The following ZFHX3 variants were observed in gnomAD, a reference collection of about 807,000 sequenced individuals.
ZFHX3 encodes the protein zinc finger homeobox 3, also known as zinc finger homeobox protein 3.
Under a neutral mutation model 279.1 loss-of-function variants are expected in ZFHX3, and 42 were observed. The ratio of observed to expected loss-of-function variants is 0.15; its 90% confidence interval spans 0.12 to 0.19. ZFHX3 has a LOEUF of 0.19. Among genes scored for constraint, ZFHX3 ranks in the 10% least tolerant of loss-of-function variants. The probability of loss-of-function intolerance (pLI) is 1.00; values close to 1 mark genes in which losing one functional copy is unlikely to be tolerated. For missense variants in ZFHX3, 4,981 were observed against 4,754.0 expected (o/e 1.05, Z -1.40); for synonymous variants, 2,293 against 1,957.8 (o/e 1.17, Z -4.52).
intron 1 of ZFHX3, among the ~76,000 whole-genome samples, chr16:73,853,910 T>C (rs1047899297): frequency 1.3e-5 from 2 of 152,214 alleles, no homozygotes; most frequent in African/African-American, 2.4e-5. Context: ...TAAGTGACAA[T>C]AGGTTCTCCT....
intron 8 of ZFHX3, among the ~76,000 whole-genome samples, chr16:73,079,496 C>G (rs1038312575): frequency 6.6e-6 from 1 of 152,022 alleles, no homozygotes. Context: ...CCAAAAAAAA[C>G]CAATTATTTT....
At chr16:73,647,788 C>G (rs1479388475) in intron 2 of ZFHX3, among the ~76,000 whole-genome samples, 1 of 151,260 alleles carries the variant, frequency 6.6e-6, no homozygotes, top group East Asian at 1.9e-4. Flanking sequence ...ATGCATGTTC[C>G]CAAATAAACA....
intron 7 of ZFHX3, among the ~76,000 whole-genome samples, chr16:73,105,929 A>ACCCCC (rs34679627): frequency 9.0e-6 from 1 of 110,846 alleles, no homozygotes; most frequent in Non-Finnish European, 1.8e-5. Flanking sequence ...ATGTACACGG[A>ACCCCC]CCCCCTCCCC....
chr16:73,070,154 C>T (rs1965804449), intron 8 of ZFHX3, among the ~76,000 whole-genome samples: 1 of 152,170 alleles, frequency 6.6e-6, no homozygotes, highest in Admixed American at 6.5e-5. Flanking sequence ...GTTGTGGGGT[C>T]TCCATTCCTT....
intron 5 of ZFHX3, among the ~76,000 whole-genome samples, chr16:73,155,180 C>CAAAAAAAAAA (rs780941621): frequency 1.0e-4 from 11 of 105,058 alleles, no homozygotes; most frequent in Admixed American, 1.8e-4. Context: ...CTCAAAAAAA[C>CAAAAAAAAAA]AAAAAAAAAA....
chr16:73,727,225 G>A (rs1283919726), intron 1 of ZFHX3, among the ~76,000 whole-genome samples: 3 of 152,204 alleles, frequency 2.0e-5, no homozygotes, highest in African/African-American at 7.2e-5. Flanking sequence ...AGGCAGCAGA[G>A]CTGCACAACT....
chr16:72,992,803 C>T (rs978220330), intron 1 of ZFHX3, among the ~76,000 whole-genome samples: 5 of 152,218 alleles, frequency 3.3e-5, no homozygotes, highest in Non-Finnish European at 7.3e-5. Context: ...TCATTCCAGC[C>T]GCGGAAGGAA....
chr16:73,410,187 G>A (rs2017438423), intron 3 of ZFHX3, among the ~76,000 whole-genome samples: 1 of 152,152 alleles, frequency 6.6e-6, no homozygotes, highest in Admixed American at 6.6e-5. Context: ...AGGCCCAGGT[G>A]GGTGGATCAC....
At chr16:73,155,359 C>T (rs1173732288) in intron 5 of ZFHX3, among the ~76,000 whole-genome samples, 2 of 152,108 alleles carry the variant, frequency 1.3e-5, no homozygotes, top group African/African-American at 4.8e-5. Flanking sequence ...CTACATGAAG[C>T]TAGGGGCAAC....
At chr16:73,335,298 G>A (rs1185703291) in intron 3 of ZFHX3, among the ~76,000 whole-genome samples, 1 of 152,064 alleles carries the variant, frequency 6.6e-6, no homozygotes, top group Non-Finnish European at 1.5e-5. Flanking sequence ...GATTTTTCCA[G>A]AAATTTTACA....
intron 3 of ZFHX3, among the ~76,000 whole-genome samples, chr16:73,385,361 G>A (rs1249432971): frequency 3.3e-5 from 5 of 152,158 alleles, no homozygotes; most frequent in African/African-American, 1.2e-4. Context: ...TGCATGTTTG[G>A]ACACATTTTG....
At chr16:73,832,576 T>A (rs1172562655) in intron 1 of ZFHX3, among the ~76,000 whole-genome samples, 1 of 152,232 alleles carries the variant, frequency 6.6e-6, no homozygotes, top group Non-Finnish European at 1.5e-5. Flanking sequence ...GGTCTCACTC[T>A]GTTGCCCAGG....
chr16:73,598,908 G>C (rs958503756), intron 2 of ZFHX3, among the ~76,000 whole-genome samples: 1 of 152,156 alleles, frequency 6.6e-6, no homozygotes, highest in African/African-American at 2.4e-5. Context: ...GATTACAGGA[G>C]CCTGCCACCA....
Position 72,788,069 on chromosome 16 carries a change from C to G in ZFHX3, c.10207G>C (p.Val3403Leu), listed in dbSNP as rs1403055925. 1 of 1,611,846 alleles carries G rather than the reference C, an allele frequency of 6.2e-7. No homozygotes were observed. Among genetic ancestry groups the G allele is most frequent in the South Asian group, 1.1e-5 (1 of 91,060 alleles). Residue 3403 changes from valine (V) to leucine (L), a missense_variant, in exon 10 of 10, where the codon GTC (valine) becomes CTC (leucine). Coordinates refer to ENST00000268489, the MANE Select transcript of ZFHX3 (RefSeq NM_006885.4). Reference protein sequence around the residue: ...QQQPKASQTPVPPGAPSPDKD... With the variant: ...QQQPKASQTPLPPGAPSPDKD... ...TCTGGGGAAGGAGCCCCGGGGGGGA[C>G]TGGGGTTTGGCTTGCTTTGGGCTGC...
chr16:73,722,835 AT>A (rs2053486846), intron 1 of ZFHX3, among the ~76,000 whole-genome samples: 1 of 152,212 alleles, frequency 6.6e-6, no homozygotes, highest in African/African-American at 2.4e-5. Flanking sequence ...TCTTTAAATA[AT>A]GCAGGAAGAT....
intron 1 of ZFHX3, among the ~76,000 whole-genome samples, chr16:73,853,850 A>G (rs1396079765): frequency 6.6e-6 from 1 of 152,144 alleles, no homozygotes; most frequent in Non-Finnish European, 1.5e-5. Context: ...AAAAAGACTG[A>G]AAAAGTTTCC....
chr16:73,672,936 CA>C (rs1247957107), intron 2 of ZFHX3, among the ~76,000 whole-genome samples: 1 of 152,008 alleles, frequency 6.6e-6, no homozygotes, highest in African/African-American at 2.4e-5. Flanking sequence ...TACATTTACT[CA>C]AAGGCCTATT....
chr16:73,048,263 G>C (rs1226761996), upstream of ZFHX3: 1 of 151,950 alleles, frequency 6.6e-6, no homozygotes, highest in Non-Finnish European at 1.5e-5. Flanking sequence ...GCTGCCGCTC[G>C]GCTCCCCGGG....
At chr16:73,196,574 C>G (rs1968153990) in intron 5 of ZFHX3, among the ~76,000 whole-genome samples, 1 of 151,378 alleles carries the variant, frequency 6.6e-6, no homozygotes, top group Non-Finnish European at 1.5e-5. Flanking sequence ...AGTGTCCATC[C>G]TGGCCAGAAA....
Sources: gnomAD v4.1 joint callset for allele counts (sites outside exome capture counted in the v4.1 genomes callset) on GRCh38, gnomAD v4.1.1 for gene constraint, MANE v1.5 for transcripts, NCBI Gene and HGNC (gene_info 2026-07-23, HGNC 2026-07-21) for gene names.